PYHIN1: variants seen among roughly 807,000 people sequenced by gnomAD.
PYHIN1 encodes pyrin and HIN domain-containing protein 1.
Under a neutral mutation model 43.7 loss-of-function variants are expected in PYHIN1, and 32 were observed. The observed-to-expected ratio is 0.73, with a 90% CI of 0.55 to 0.98. The LOEUF is 0.98. Among genes scored for constraint, PYHIN1 ranks in the 50% least tolerant of loss-of-function variants. PYHIN1 has a pLI of 0.00. For missense variants in PYHIN1, 588 were observed against 589.5 expected, an observed-to-expected ratio of 1.00 and a Z score of 0.03; for synonymous variants, 205 against 203.1, an observed-to-expected ratio of 1.01 and a Z score of -0.08.
At chr1:158,964,448 A>G (rs539574659) in intron 7 of PYHIN1, among the ~76,000 whole-genome samples, 31 of 152,198 alleles carry the variant, frequency 2.0e-4, no homozygotes, top group Non-Finnish European at 3.7e-4. Flanking sequence ...GGTCGAAATG[A>G]ATTTAAAAAT....
intron 1 of PYHIN1, among the ~76,000 whole-genome samples, chr1:158,932,586 A>T (rs1648227620): frequency 6.6e-6 from 1 of 152,246 alleles, no homozygotes; most frequent in Non-Finnish European, 1.5e-5. Flanking sequence ...ATGTTCTCAC[A>T]CAAAAACATA....
chr1:158,943,991 G>C lies in PYHIN1; in HGVS notation c.1191+13G>C. 1 of 1,555,442 alleles carries C rather than the reference G, an allele frequency of 6.4e-7. No individual in the cohort carries two copies. ...TAGTTTCATCCAGGTGAGAAATAAA[G>C]AAACAAATATTAGTTTTCCAAAGAT... On this transcript the variant is annotated intron_variant, in intron 6 of 8. Coordinates refer to ENST00000368140, the MANE Select transcript of PYHIN1 (RefSeq NM_152501.5).
intron 7 of PYHIN1, among the ~76,000 whole-genome samples, chr1:158,945,772 C>T (rs1191329960): frequency 6.6e-6 from 1 of 152,204 alleles, no homozygotes; most frequent in Non-Finnish European, 1.5e-5. Flanking sequence ...CAAGTCCCAG[C>T]ATAGAACATG....
chr1:158,985,117 T>A, the PYHIN1 span, among the ~76,000 whole-genome samples: 92 of 152,342 alleles, frequency 6.0e-4, no homozygotes, highest in Middle Eastern at 0.024. Context: ...AACTTACCAT[T>A]CTGTGCCTTT....
At chr1:158,937,307 G>C in intron 2 of PYHIN1, 132 bp downstream of exon 2, 1 of 974,248 alleles carries the variant, frequency 1.0e-6, no homozygotes, top group African/African-American at 1.6e-5. Context: ...GGCAATGTTG[G>C]TACTTCAGAT....
intron 7 of PYHIN1, among the ~76,000 whole-genome samples, chr1:158,957,356 A>G (rs1435605683): frequency 4.6e-5 from 7 of 152,088 alleles, no homozygotes; most frequent in Admixed American, 4.6e-4. Flanking sequence ...TTCAAACTAT[A>G]CTACAAGGCT....
chr1:158,937,202 C>G (rs763129098), intron 2 of PYHIN1, 27 bp downstream of exon 2: 1 of 1,541,932 alleles, frequency 6.5e-7, no homozygotes, highest in Admixed American at 2.0e-5. Context: ...AACACCCACT[C>G]CCTGCAATGA....
chr1:158,945,245 A>G (rs569865929), intron 7 of PYHIN1: 35 of 458,946 alleles, frequency 7.6e-5, no homozygotes, highest in Middle Eastern at 6.2e-4. Flanking sequence ...TATTTGTGCA[A>G]CGATTGCTGA....
In PYHIN1 at chr1:158,937,056, C is replaced by T; in HGVS notation, c.146C>T (p.Ala49Val). The T allele has an allele frequency of 1.2e-6, 2 of 1,614,002 alleles. No individual in the cohort carries two copies. Among genetic ancestry groups the T allele is most frequent in the Non-Finnish European group, 1.7e-6 (2 of 1,179,958 alleles). Residue 49 changes from alanine to valine, a missense_variant, in exon 2 of 9, where the codon GCT (alanine) becomes GTT (valine). By Grantham distance (64) the Ala-to-Val change is moderately conservative (BLOSUM62 0). Transcript: ENST00000368140. ...MKEEYDKIQI[A>V]DLMEEKFPGD... ...GAAGAGTATGACAAAATTCAGATTG[C>T]TGACTTGATGGAGGAAAAGTTCCCA...
chr1:158,956,117 C>T (rs9427334), intron 7 of PYHIN1, among the ~76,000 whole-genome samples: 128,619 of 134,422 alleles, frequency 0.96, 62,021 homozygotes, highest in Non-Finnish European at 1. Context: ...ATCAATAGTT[C>T]ACCAACCAAA....
At chr1:158,965,015 T>C (rs376829343) in intron 7 of PYHIN1, among the ~76,000 whole-genome samples, 84 of 151,906 alleles carry the variant, frequency 5.5e-4, no homozygotes, top group African/African-American at 1.9e-3. Context: ...ATGACACCCA[T>C]TGGCTCAAAA....
Position 158,951,881 on chromosome 1 carries a change from G to A in PYHIN1, c.1359+6839G>A, listed in dbSNP as rs554693290. 3.9e-5 allele frequency among the ~76,000 whole-genome samples: 6 copies of A among 152,298 alleles called. No homozygotes were observed. In the East Asian group the frequency reaches 9.6e-4, roughly 24 times the overall value. ...TTAAATTGGATTTGGAGAGAGTCAC[G>A]TTAGGGGTAAGAGAGAGATAACAGT... On this transcript the variant is annotated intron_variant, in intron 7 of 8. Coordinates refer to ENST00000368140, the MANE Select transcript of PYHIN1 (RefSeq NM_152501.5).
Position 158,941,991 on chromosome 1 carries a change from G to A in PYHIN1, c.594G>A (p.Leu198=), listed in dbSNP as rs1648943887. ...NTSSTESLKP[L]ANRHATASKN... ...ATCATGCGCAGAGCCTAAAACCATT[G>A]GCCAACCGTCACGCAACTGCCAGTA... Residue 198 remains leucine, a synonymous_variant, in exon 5 of 9, where the codon TTG becomes TTA. Transcript: ENST00000368140. 4 of 1,605,344 alleles carry A rather than the reference G, an allele frequency of 2.5e-6. No homozygotes were observed. The highest frequency in any genetic ancestry group is 3.4e-6 in the Non-Finnish European group (4 of 1,175,924).
chr1:158,943,930 G>C lies in PYHIN1; in HGVS notation c.1143G>C (p.Lys381Asn). 1 of 1,607,412 alleles carries C rather than the reference G, an allele frequency of 6.2e-7. No homozygotes were observed. Among genetic ancestry groups the C allele is most frequent in the Non-Finnish European group, 8.5e-7 (1 of 1,175,336 alleles). ...KLRLFCFRLRKRENMSKLMSE... is the reference protein window; with the variant it reads ...KLRLFCFRLRNRENMSKLMSE... ...GACTCTTCTGCTTTCGACTGAGAAA[G>C]AGGGAAAATATGTCAAAACTGATGT... is the stretch of plus-strand genomic sequence containing the variant. The change falls in exon 6 of 9, where the codon AAG (lysine) becomes AAC (asparagine). Residue 381 changes from lysine to asparagine, a missense_variant. Lys to Asn is a moderately conservative substitution (Grantham distance 94). Transcript: ENST00000368140.
chr1:158,969,167 T>C (rs757885008), intron 7 of PYHIN1, among the ~76,000 whole-genome samples: 1 of 152,046 alleles, frequency 6.6e-6, no homozygotes, highest in Non-Finnish European at 1.5e-5. Flanking sequence ...ATGTAGATGT[T>C]AAAATTTCTG....
At chr1:158,945,130 C>T in intron 7 of PYHIN1, 88 bp downstream of exon 7, 2 of 1,307,464 alleles carry the variant, frequency 1.5e-6, no homozygotes, top group East Asian at 2.4e-5. Flanking sequence ...TCTTCTAATC[C>T]CTAACTGTGT....
chr1:158,989,046 T>C, the PYHIN1 span, among the ~76,000 whole-genome samples: 4 of 152,210 alleles, frequency 2.6e-5, no homozygotes, highest in Admixed American at 6.5e-5. Context: ...TGGACTTGTT[T>C]GGGACCTGTA....
intron 7 of PYHIN1, among the ~76,000 whole-genome samples, chr1:158,960,780 C>G (rs1325669709): frequency 1.3e-5 from 2 of 152,176 alleles, no homozygotes; most frequent in South Asian, 4.1e-4. Context: ...AAGAATTACT[C>G]TGAGAAAATT....
At chr1:158,979,416 T>A (rs1327414512), downstream of PYHIN1, among the ~76,000 whole-genome samples, 1 of 152,210 alleles carries the variant, frequency 6.6e-6, no homozygotes, top group Admixed American at 6.5e-5. Flanking sequence ...CTCTTATGAG[T>A]GGCTTATTAC....
Sources: gnomAD v4.1 joint callset for allele counts (sites outside exome capture counted in the v4.1 genomes callset) on GRCh38, gnomAD v4.1.1 for gene constraint, MANE v1.5 for transcripts, NCBI Gene and HGNC (gene_info 2026-07-23, HGNC 2026-07-21) for gene names.